BLTP1: variants seen among roughly 807,000 people sequenced by gnomAD.
The protein encoded by BLTP1 is bridge-like lipid transfer protein family member 1.
At chr4:122,318,317 T>C in the BLTP1 span, 2 of 1,503,724 alleles carry the variant, frequency 1.3e-6, no homozygotes, top group Non-Finnish European at 9.2e-7. Flanking sequence ...ACCACCTGAC[T>C]TTTTCCTATC....
At chr4:122,186,296 T>TCTGTTTAGGTGCATAGCCTCA in the BLTP1 span, 1 of 1,228,082 alleles carries the variant, frequency 8.1e-7, no homozygotes, top group South Asian at 1.5e-5. Flanking sequence ...TCATTGAGGC[T>TCTGTTTAGGTGCATAGCCTCA]ATGCACCTAA....
the BLTP1 span, chr4:122,222,013 A>G: frequency 1.9e-6 from 1 of 515,332 alleles, no homozygotes; most frequent in African/African-American, 2.1e-5. Flanking sequence ...AGACTGAATT[A>G]TAAAGTATGA....
At chr4:122,198,005 T>C in the BLTP1 span, 1 of 984,354 alleles carries the variant, frequency 1.0e-6, no homozygotes, top group Non-Finnish European at 1.2e-6. Context: ...TCAATCATCA[T>C]TAGTGTTTCT....
At chr4:122,235,376 A>G in the BLTP1 span, 1 of 984,658 alleles carries the variant, frequency 1.0e-6, no homozygotes, top group South Asian at 4.7e-5. Context: ...TTGTTTCACC[A>G]GCTTGCTTTT....
At chr4:122,270,873 A>G in the BLTP1 span, 1 of 1,105,864 alleles carries the variant, frequency 9.0e-7, no homozygotes, top group African/African-American at 1.6e-5. Context: ...CTAGTGAAAA[A>G]GCATATTTTA....
the BLTP1 span, among the ~76,000 whole-genome samples, chr4:122,303,544 A>G: frequency 6.6e-6 from 1 of 152,350 alleles, no homozygotes; most frequent in African/African-American, 2.4e-5. Flanking sequence ...GGATCTGGGC[A>G]AAGTAAATTG....
chr4:122,340,822 T>C, the BLTP1 span: 2 of 956,408 alleles, frequency 2.1e-6, no homozygotes, highest in African/African-American at 3.5e-5. Flanking sequence ...CACTCACTAT[T>C]CATTATAGAA....
the BLTP1 span, chr4:122,316,709 C>G: frequency 1.3e-6 from 2 of 1,596,332 alleles, no homozygotes; most frequent in Admixed American, 1.7e-5. Context: ...GTGGTATTGA[C>G]AGATACACTT....
At chr4:122,306,484 A>C in the BLTP1 span, 96 of 739,688 alleles carry the variant, frequency 1.3e-4, no homozygotes, top group Non-Finnish European at 1.4e-4. Context: ...CAGTGGAGTC[A>C]GAGATGTGTT....
the BLTP1 span, chr4:122,263,133 C>T: frequency 1.4e-6 from 2 of 1,399,576 alleles, no homozygotes; most frequent in Non-Finnish European, 1.9e-6. Flanking sequence ...ATCCATTGTT[C>T]TGTTTGTAAC....
the BLTP1 span, chr4:122,185,159 T>A: frequency 1.0e-6 from 1 of 983,738 alleles, no homozygotes; most frequent in Non-Finnish European, 1.2e-6. Flanking sequence ...AGTAGATTAC[T>A]AGGTGAAAAG....
At chr4:122,297,801 G>C in the BLTP1 span, among the ~76,000 whole-genome samples, 5 of 152,186 alleles carry the variant, frequency 3.3e-5, no homozygotes, top group African/African-American at 1.2e-4. Context: ...GCATACTAAT[G>C]CAGGAACAGA....
At chr4:122,354,669 C>CTTTTT in the BLTP1 span, among the ~76,000 whole-genome samples, 1 of 135,082 alleles carries the variant, frequency 7.4e-6, no homozygotes. Context: ...TTTTTCTTTT[C>CTTTTT]TTTTTTTTTT....
the BLTP1 span, among the ~76,000 whole-genome samples, chr4:122,217,934 A>T: frequency 3.8e-4 from 58 of 152,106 alleles, no homozygotes; most frequent in African/African-American, 1.3e-3. Context: ...TTCCTGGTTT[A>T]ATCTAGGAGG....
the BLTP1 span, chr4:122,220,265 T>C: frequency 5.0e-4 from 771 of 1,539,322 alleles, 4 homozygotes; most frequent in African/African-American, 8.9e-3. Context: ...ATGTAATTTT[T>C]ATTTTCCTAT....
At chr4:122,340,620 G>C in the BLTP1 span, 1 of 463,882 alleles carries the variant, frequency 2.2e-6, no homozygotes, top group South Asian at 9.2e-5. Context: ...TTTGCTGTGT[G>C]AATCTTTGAA....
chr4:122,343,653 TTTTCAAGC>T, the BLTP1 span: 3 of 1,591,396 alleles, frequency 1.9e-6, no homozygotes, highest in African/African-American at 4.0e-5. Flanking sequence ...TTACAGCATC[TTTTCAAGC>T]TTTCAAGCTT....
chr4:122,240,464 A>G, the BLTP1 span: 192,432 of 859,802 alleles, frequency 0.22, 23,991 homozygotes, highest in African/African-American at 0.31. Flanking sequence ...TCTGAGAGAG[A>G]GACTTTCTGA....
At chr4:122,204,143 T>C in the BLTP1 span, among the ~76,000 whole-genome samples, 1 of 151,890 alleles carries the variant, frequency 6.6e-6, no homozygotes, top group Non-Finnish European at 1.5e-5. Flanking sequence ...TCAAGTACAT[T>C]GGCATGTGTA....
Sources: allele counts gnomAD v4.1 joint callset (sites outside exome capture counted in the v4.1 genomes callset), GRCh38; gene constraint gnomAD v4.1.1; transcripts MANE v1.5; gene names NCBI Gene and HGNC (gene_info 2026-07-23, HGNC 2026-07-21).